Variants in SUGP2 observed in about 807,000 individuals in gnomAD.
SUGP2 encodes the protein SURP and G-patch domain-containing protein 2.
SUGP2 carries 24 observed loss-of-function variants against 90.5 expected under a neutral mutation model. The ratio of observed to expected loss-of-function variants is 0.27; its 90% CI spans 0.19 to 0.37. SUGP2 has a LOEUF of 0.37. Ranked by LOEUF, SUGP2 falls within the 10% of genes least tolerant of loss-of-function variation. SUGP2 has a pLI of 1.00. For synonymous variants in SUGP2, 473 were observed against 513.4 expected, an observed-to-expected ratio of 0.92 and a Z score of 1.06; for missense variants, 1,233 against 1,363.3, an observed-to-expected ratio of 0.90 and a Z score of 1.51.
intron 8 of SUGP2, among the ~76,000 whole-genome samples, chr19:18,998,445 C>A (rs2057696672): frequency 6.6e-6 from 1 of 152,218 alleles, no homozygotes; most frequent in African/African-American, 2.4e-5. Context: ...AGCCACCGCA[C>A]ACCTTTTTTT....
chr19:19,004,543 T>C lies in SUGP2; in HGVS notation c.2554A>G (p.Thr852Ala), dbSNP rs753866123. The change falls in exon 7 of 11, where the codon ACT becomes GCT. Residue 852 changes from threonine to alanine, a missense_variant. Transcript: ENST00000452918. ...GAACCCGTGGTGTCACCACCACCAG[T>C]GTGAAGGTTGTGCGGAGATGACGTG... The part of the protein sequence containing the change: ...CFTSSPHNLH[T>A]GGGDTTGSQE... 15 of 1,614,190 alleles carry C rather than the reference T, an allele frequency of 9.3e-6. No homozygotes were observed. The highest frequency in any genetic ancestry group is 2.7e-5 in the African/African-American group (2 of 75,054).
At chr19:19,026,691 C>T (rs1199229913) in intron 2 of SUGP2, among the ~76,000 whole-genome samples, 1 of 152,198 alleles carries the variant, frequency 6.6e-6, no homozygotes, top group Non-Finnish European at 1.5e-5. Flanking sequence ...TATCTCAGAA[C>T]AGACAGGTTT....
Position 18,993,029 on chromosome 19 carries a change from C to T in SUGP2, c.*712G>A, listed in dbSNP as rs1271905834. The T allele has an allele frequency of 2.6e-5, 4 of 152,168 alleles. No individual in the cohort carries two copies. Among genetic ancestry groups the T allele is most frequent in the African/African-American group, 9.7e-5 (4 of 41,438 alleles). The allele number at this position is 152,168 out of a possible 1,614,324, so 9.4% of individuals were successfully genotyped here. On this transcript the variant is annotated 3_prime_UTR_variant, in exon 11 of 11. Transcript: ENST00000452918. ...CTCAGAGGGTTTACAACCCCCATCC[C>T]TTTGTAACTGTAGTTTGCTTACACT... is the stretch of plus-strand genomic sequence containing the variant.
chr19:19,024,736 T>G lies in SUGP2; in HGVS notation c.1612A>C (p.Ser538Arg), dbSNP rs1308586026. 1 of 1,614,228 alleles carries G rather than the reference T, an allele frequency of 6.2e-7. No homozygotes were observed. The highest frequency in any genetic ancestry group is 1.7e-5 in the Admixed American group (1 of 60,010). The change falls in exon 3 of 11, where the codon AGC (serine) becomes CGC (arginine). Residue 538 changes from serine to arginine, a missense_variant. Coordinates refer to ENST00000452918, the MANE Select transcript of SUGP2 (RefSeq NM_001017392.5). ...IDHLKAWLVS[S>R]GCPLQVKKAE... ...TTCTTAACCTGGAGGGGACATCCGC[T>G]GCTGACTAGCCAGGCCTTCAGGTGG...
intron 3 of SUGP2, 84 bp from the exon 4 acceptor site, chr19:19,019,313 T>C (rs1196999169): frequency 6.8e-6 from 10 of 1,481,310 alleles, no homozygotes; most frequent in Non-Finnish European, 9.1e-6. Flanking sequence ...GTTGGGGGCT[T>C]AGTGCTGAAC....
Position 19,004,523 on chromosome 19 carries a change from C to G in SUGP2, c.2574G>C (p.Thr858=). 1.9e-6 allele frequency: 3 copies of G among 1,614,210 alleles called. No homozygotes were observed. The highest frequency in any genetic ancestry group is 2.5e-6 in the Non-Finnish European group (3 of 1,180,026). The stretch of plus-strand genomic sequence containing the variant: ...GGTCCACGGGGCTCTCCTGAGAACC[C>G]GTGGTGTCACCACCACCAGTGTGAA... ...HNLHTGGGDT[T]GSQESPVDLM... Residue 858 remains threonine, a synonymous_variant, in exon 7 of 11, where the codon ACG becomes ACC. Coordinates refer to ENST00000452918, the MANE Select transcript of SUGP2 (RefSeq NM_001017392.5).
intron 1 of SUGP2, among the ~76,000 whole-genome samples, chr19:19,032,666 G>T (rs1316091015): frequency 1.3e-5 from 2 of 151,988 alleles, no homozygotes; most frequent in Admixed American, 1.3e-4. Flanking sequence ...ATGACATTAG[G>T]GTGAGGAGGC....
upstream of SUGP2, chr19:19,033,542 C>G: frequency 7.7e-7 from 1 of 1,303,850 alleles, no homozygotes; most frequent in Non-Finnish European, 9.7e-7. Flanking sequence ...ACGGTCTCCG[C>G]AGCGCCGCGC....
rs558840570 is a variant in SUGP2 at position 19,009,290 on chromosome 19, C to A, written c.2338+565G>T. 2.6e-5 allele frequency among the ~76,000 whole-genome samples: 4 copies of A among 152,292 alleles called. No individual in the cohort carries two copies. The East Asian group carries it at 5.8e-4, about 22-fold the overall frequency. On this transcript the variant is annotated intron_variant, in intron 5 of 10. Transcript: ENST00000452918. The stretch of plus-strand genomic sequence containing the variant: ...CTAAATAATGCAGCAGTTGTGGACA[C>A]TTTTTTGCTCTCTCCTTCCCACTTA...
chr19:19,018,201 G>A (rs1171966771), intron 4 of SUGP2, among the ~76,000 whole-genome samples: 2 of 149,568 alleles, frequency 1.3e-5, no homozygotes, highest in African/African-American at 5.1e-5. Flanking sequence ...GCCTCATGTC[G>A]TGCACCTGTA....
chr19:19,000,418 C>T (rs2057783299), intron 8 of SUGP2, among the ~76,000 whole-genome samples: 1 of 152,194 alleles, frequency 6.6e-6, no homozygotes, highest in Admixed American at 6.5e-5. Flanking sequence ...CACTGTTGGC[C>T]CTGCTTGCTG....
In SUGP2 at chr19:19,025,528, T is replaced by C. The variant is rs772720060; in HGVS notation, c.820A>G (p.Asn274Asp). The C allele has an allele frequency of 6.2e-6, 10 of 1,613,866 alleles. No homozygotes were observed. The South Asian group carries it at 9.9e-5, about 16-fold the overall frequency. Reference protein sequence around the residue: ...KTQGTNQIQKNTPSPDVTLGT... With the variant: ...KTQGTNQIQKDTPSPDVTLGT... ...AGGGTCACATCAGGACTTGGAGTGT[T>C]TTTCTGGATTTGGTTAGTGCCCTGA... The change falls in exon 3 of 11, where the codon AAC becomes GAC. Residue 274 changes from asparagine (N) to aspartate (D), a missense_variant. This residue lies in a region of SUGP2 where 418 missense variants were observed against 399.9 expected (regional missense o/e 1.05). Transcript: ENST00000452918.
chr19:19,008,625 G>A (rs1467437439), intron 5 of SUGP2, among the ~76,000 whole-genome samples, 197 bp from the exon 6 acceptor site: 1 of 152,180 alleles, frequency 6.6e-6, no homozygotes, highest in African/African-American at 2.4e-5. Flanking sequence ...GGCTGGTCCT[G>A]GGACTCACAT....
chr19:19,007,702 C>T (rs181499899), intron 6 of SUGP2, among the ~76,000 whole-genome samples: 13 of 151,350 alleles, frequency 8.6e-5, no homozygotes, highest in Admixed American at 4.6e-4. Context: ...ATGATCCACC[C>T]GCCTCAGCCT....
Position 19,033,408 on chromosome 19 carries a change from C to T in SUGP2, c.-12+29G>A, listed in dbSNP as rs2059271674. On this transcript the variant is annotated intron_variant, in intron 1 of 10. Coordinates refer to ENST00000452918, the MANE Select transcript of SUGP2 (RefSeq NM_001017392.5). ...CGAGCTTCCCACCCCGGGAGCCACC[C>T]ACCGACGACGCCAGGGCCCGGGCCT... The T allele has an allele frequency of 4.6e-6, 6 of 1,297,990 alleles. No individual in the cohort carries two copies. The South Asian group carries it at 8.8e-5, about 19-fold the overall frequency. 80.4% of individuals were successfully genotyped at this position (1,297,990 alleles called of 1,614,324 possible).
At position 19,022,093 on chromosome 19, in the gene SUGP2, T is replaced by A. The variant is rs537939039; in HGVS notation, c.1729+2526A>T. The stretch of plus-strand genomic sequence containing the variant: ...TCTGCCTCCTGGGTTCAAGCGATTA[T>A]CCTGCCTCAGCCTTCCGAGTAGCTG... On this transcript the variant is annotated intron_variant, in intron 3 of 10. Coordinates refer to ENST00000452918, the MANE Select transcript of SUGP2 (RefSeq NM_001017392.5). 5.3e-4 allele frequency among the ~76,000 whole-genome samples: 81 copies of A among 152,242 alleles called. 1 individual carries two copies. In the Middle Eastern group the frequency reaches 0.014, roughly 26 times the overall value.
At chr19:19,001,270 C>A (rs1033518304) in intron 8 of SUGP2, among the ~76,000 whole-genome samples, 2 of 152,212 alleles carry the variant, frequency 1.3e-5, no homozygotes, top group African/African-American at 4.8e-5. Context: ...CCGCCCTCTG[C>A]CTCCCAAAGT....
intron 7 of SUGP2, chr19:19,003,667 A>G (rs1406107899): frequency 6.5e-6 from 1 of 153,298 alleles, no homozygotes; most frequent in East Asian, 1.9e-4. Context: ...CACTGCTGGT[A>G]AATTATACCT....
intron 1 of SUGP2, among the ~76,000 whole-genome samples, chr19:19,032,822 A>C (rs2059229989): frequency 6.6e-6 from 1 of 152,178 alleles, no homozygotes; most frequent in African/African-American, 2.4e-5. Flanking sequence ...ATCCTTAACC[A>C]TCAAGATATC....
Sources: gnomAD v4.1 joint callset for allele counts (sites outside exome capture counted in the v4.1 genomes callset) on GRCh38, gnomAD v4.1.1 for gene constraint, gnomAD v4.1.1 regional missense constraint, MANE v1.5 for transcripts, NCBI Gene and HGNC (gene_info 2026-07-23, HGNC 2026-07-21) for gene names.